The following DGKB variants were observed in gnomAD, a reference collection of about 807,000 sequenced individuals.
DGKB encodes diacylglycerol kinase beta, also known as 90 kDa diacylglycerol kinase.
DGKB carries 67 observed loss-of-function variants against 114.3 expected under a neutral mutation model. That is an observed-to-expected ratio of 0.59 (90% CI 0.48 to 0.72). The LOEUF (loss-of-function observed/expected upper bound fraction) is 0.72. DGKB is among the 30% of genes least tolerant of loss of function. The probability of loss-of-function intolerance (pLI) is 0.00; values close to 1 mark genes in which losing one functional copy is unlikely to be tolerated. For synonymous variants in DGKB, 398 were observed against 323.1 expected (o/e 1.23, Z -2.49); for missense variants, 907 against 975.2 (o/e 0.93, Z 0.93).
At chr7:14,899,835 C>T (rs1782707449) in intron 1 of DGKB, among the ~76,000 whole-genome samples, 1 of 152,074 alleles carries the variant, frequency 6.6e-6, no homozygotes, top group Non-Finnish European at 1.5e-5. Flanking sequence ...TCAACCCCAC[C>T]CTGATCCATA....
intron 12 of DGKB, among the ~76,000 whole-genome samples, chr7:14,679,502 T>C (rs9639210): frequency 0.47 from 71,178 of 151,814 alleles, 17,268 homozygotes; most frequent in East Asian, 0.82. Flanking sequence ...AAAAGTCATA[T>C]ATAAAAGGAA....
At chr7:14,783,018 T>C (rs140815327) in intron 2 of DGKB, among the ~76,000 whole-genome samples, 1 of 152,110 alleles carries the variant, frequency 6.6e-6, no homozygotes, top group Non-Finnish European at 1.5e-5. Context: ...TGTGAACATA[T>C]TATTTTATAC....
intron 21 of DGKB, among the ~76,000 whole-genome samples, chr7:14,468,509 A>T (rs1414751659): frequency 1.3e-5 from 2 of 149,342 alleles, no homozygotes; most frequent in African/African-American, 5.1e-5. Context: ...CTTTAAACTA[A>T]ATTGATAGTT....
In DGKB at chr7:14,712,232, A is replaced by T. The variant is rs1177988348; in HGVS notation, c.466+6310T>A. On this transcript the variant is annotated intron_variant, in intron 6 of 25. Transcript: ENST00000402815. Reference sequence around the variant, plus strand: ...AGAAAGAAAAGAAGATGGAAAATAGAAAAAGCAAGAAAAAATAGTAATTCA... The same window carrying T: ...AGAAAGAAAAGAAGATGGAAAATAGTAAAAGCAAGAAAAAATAGTAATTCA... Among the ~76,000 whole-genome samples, 6 of 152,176 alleles carry T rather than the reference A, an allele frequency of 3.9e-5. No individual in the cohort carries two copies. In the East Asian group the frequency reaches 9.6e-4, roughly 24 times the overall value.
intron 20 of DGKB, among the ~76,000 whole-genome samples, chr7:14,572,179 C>T (rs1010882189): frequency 2.0e-5 from 3 of 151,604 alleles, no homozygotes; most frequent in Non-Finnish European, 4.4e-5. Context: ...ATAGGCCGGG[C>T]GCGGTAGCTC....
chr7:14,503,310 T>C (rs914189684), intron 20 of DGKB, among the ~76,000 whole-genome samples: 2 of 152,162 alleles, frequency 1.3e-5, no homozygotes, highest in East Asian at 1.9e-4. Context: ...TCCACATTTG[T>C]GTGTCTGTCA....
rs1042294857 is a variant in DGKB, at chr7:14,741,876, G to A, written c.169-5682C>T. 5.9e-5 allele frequency among the ~76,000 whole-genome samples: 9 copies of A among 152,146 alleles called. No individual in the cohort carries two copies. In the East Asian group the frequency reaches 9.6e-4, roughly 16 times the overall value. On this transcript the variant is annotated intron_variant, in intron 4 of 25. Coordinates refer to ENST00000402815, the MANE Select transcript of DGKB (RefSeq NM_001350709.2). ...ATTTAAAAGGATTTTCTTAAAGAAC[G>A]CTCAAGTTAATTAAAAGTGGATATC...
intron 2 of DGKB, among the ~76,000 whole-genome samples, chr7:14,764,149 G>A (rs1394856139): frequency 1.3e-5 from 2 of 151,786 alleles, no homozygotes; most frequent in Non-Finnish European, 2.9e-5. Flanking sequence ...GTAGTAGAGA[G>A]GGCTCTGCAA....
At chr7:14,345,921 G>A (rs1812399368) in intron 21 of DGKB, among the ~76,000 whole-genome samples, 1 of 150,824 alleles carries the variant, frequency 6.6e-6, no homozygotes, top group Admixed American at 6.7e-5. Flanking sequence ...TTGGCTTTTT[G>A]TACCAGGTAA....
intron 20 of DGKB, among the ~76,000 whole-genome samples, chr7:14,495,951 T>C (rs1348362177): frequency 6.6e-6 from 1 of 151,856 alleles, no homozygotes; most frequent in East Asian, 1.9e-4. Flanking sequence ...TTCAGGCTAC[T>C]GTTAAAGAGG....
chr7:14,869,847 A>G (rs1021234954), intron 1 of DGKB, among the ~76,000 whole-genome samples: 2 of 152,166 alleles, frequency 1.3e-5, no homozygotes, highest in African/African-American at 4.8e-5. Context: ...ACACAGTAAT[A>G]AACAAACAAG....
chr7:14,852,367 T>G (rs941967529), intron 1 of DGKB, among the ~76,000 whole-genome samples: 9 of 151,204 alleles, frequency 6.0e-5, no homozygotes, highest in Non-Finnish European at 1.2e-4. Flanking sequence ...GTTTATCAAT[T>G]CTCATCTCCC....
At chr7:14,714,207 G>A (rs1464773280) in intron 6 of DGKB, among the ~76,000 whole-genome samples, 1 of 151,936 alleles carries the variant, frequency 6.6e-6, no homozygotes, top group East Asian at 1.9e-4. Context: ...ATGTGGACTA[G>A]ACTCAATCAA....
At chr7:14,482,388 T>C (rs960264540) in intron 20 of DGKB, among the ~76,000 whole-genome samples, 3 of 152,084 alleles carry the variant, frequency 2.0e-5, no homozygotes, top group Non-Finnish European at 4.4e-5. Context: ...TATTCAGAAT[T>C]TTTTGGGTTA....
intron 20 of DGKB, among the ~76,000 whole-genome samples, chr7:14,541,245 C>G (rs966648256): frequency 6.6e-6 from 1 of 152,036 alleles, no homozygotes; most frequent in Non-Finnish European, 1.5e-5. Flanking sequence ...AATGATGCTA[C>G]ACTAATAAAA....
chr7:14,758,186 A>G (rs2128448001), intron 2 of DGKB, among the ~76,000 whole-genome samples: 1 of 152,208 alleles, frequency 6.6e-6, no homozygotes, highest in South Asian at 2.1e-4. Context: ...TTTGTTATGT[A>G]TAAATTAAAG....
chr7:14,689,204 T>TTTTATTTTTTA (rs1272674271), intron 9 of DGKB, among the ~76,000 whole-genome samples: 5 of 107,520 alleles, frequency 4.7e-5, no homozygotes, highest in Admixed American at 1.7e-4. Context: ...CTCTTATTTT[T>TTTTATTTTTTA]TTTTTTTTTT....
chr7:14,721,013 G>A (rs752177554), intron 5 of DGKB, among the ~76,000 whole-genome samples: 5 of 152,108 alleles, frequency 3.3e-5, no homozygotes, highest in African/African-American at 4.8e-5. Context: ...AATTATGGTC[G>A]GATAAGCTAT....
chr7:14,821,073 A>T lies in DGKB; in HGVS notation c.70+20121T>A, dbSNP rs577340239. ...ATCACTTAATCACTTAGAGATAAAA[A>T]AAGGTCTATTCACATTTAAGTCAAT... On this transcript the variant is annotated intron_variant, in intron 2 of 25. Coordinates refer to ENST00000402815, the MANE Select transcript of DGKB (RefSeq NM_001350709.2). 7.9e-5 allele frequency among the ~76,000 whole-genome samples: 12 copies of T among 152,316 alleles called. No individual in the cohort carries two copies. In the East Asian group the frequency reaches 1.9e-3, roughly 24 times the overall value.
Sources: gnomAD v4.1 joint callset for allele counts (sites outside exome capture counted in the v4.1 genomes callset) on GRCh38, gnomAD v4.1.1 for gene constraint, MANE v1.5 for transcripts, NCBI Gene and HGNC (gene_info 2026-07-23, HGNC 2026-07-21) for gene names.